Variants in DDX46 observed in about 807,000 individuals in gnomAD.
DDX46 encodes probable ATP-dependent RNA helicase DDX46.
In DDX46, 30 loss-of-function variants were observed where a neutral mutation model predicts 134.9. The observed-to-expected ratio is 0.22, with a 90% CI of 0.17 to 0.30. The LOEUF (loss-of-function observed/expected upper bound fraction) is 0.30, where lower values mean the gene tolerates loss of function less well. Among genes scored for constraint, DDX46 ranks in the 10% least tolerant of loss-of-function variants. DDX46 has a pLI of 1.00. For missense variants in DDX46, 622 were observed against 1,248.7 expected (o/e 0.50, Z 7.56); for synonymous variants, 415 against 404.1 (o/e 1.03, Z -0.32).
chr5:134,816,829 A>G, intron 19 of DDX46: 1 of 494,106 alleles, frequency 2.0e-6, no homozygotes, highest in Non-Finnish European at 3.6e-6. Context: ...ACTGTTAGCC[A>G]CTGGTAGTTT....
At position 134,780,138 on chromosome 5, in the gene DDX46, G is replaced by GTGTGTGTGTGTGTA. The variant is rs1158560431; in HGVS notation, c.766-994_766-993insGTGTGTGTGTGTAT. Among the ~76,000 whole-genome samples, 103 of 142,416 alleles carry GTGTGTGTGTGTGTA rather than the reference G, an allele frequency of 7.2e-4. No homozygotes were observed. The East Asian group carries it at 0.011, about 15-fold the overall frequency. 93.4% of individuals were successfully genotyped at this position (142,416 alleles called of 152,430 possible). A position where few individuals can be genotyped will look rare whatever the true frequency, so the allele number is the denominator to read the frequency against. On this transcript the variant is annotated intron_variant, in intron 6 of 22. Coordinates refer to ENST00000452510, the MANE Select transcript of DDX46 (RefSeq NM_001300860.2). ...TGTGTGTGTGTGTGTGTGTGTGTGT[G>GTGTGTGTGTGTGTA]TATATGTATATATGTGCATGTATAT...
Position 134,830,254 on chromosome 5 carries a change from T to G in DDX46, c.*1548T>G, listed in dbSNP as rs1418478649. ...AAAAGTTTTACTATAACATTTACAT[T>G]GTGTTAGGTATTTTAAGTAATTTAA... On this transcript the variant is annotated 3_prime_UTR_variant, in exon 23 of 23. Transcript: ENST00000452510. The G allele has an allele frequency of 2.0e-5, 3 of 152,018 alleles. No homozygotes were observed. Among genetic ancestry groups the G allele is most frequent in the African/African-American group, 7.2e-5 (3 of 41,406 alleles). 9.4% of individuals were successfully genotyped at this position (152,018 alleles called of 1,614,324 possible). A position where few individuals can be genotyped will look rare whatever the true frequency, so the allele number is the denominator to read the frequency against.
chr5:134,818,833 T>A (rs1007119983), intron 20 of DDX46, 27 bp from the exon 21 acceptor site: 1 of 1,598,462 alleles, frequency 6.3e-7, no homozygotes, highest in African/African-American at 1.4e-5. Context: ...ATGAAGTGAT[T>A]TTTCTTTTCC....
Position 134,794,803 on chromosome 5 carries a change from G to A in DDX46, c.1627-47G>A, listed in dbSNP as rs375531991. The stretch of plus-strand genomic sequence containing the variant: ...TTGGTTTTAACATTGCATAAGCTTT[G>A]AAGACCATATTTACCATATTTATTT... On this transcript the variant is annotated intron_variant, in intron 13 of 22. Coordinates refer to ENST00000452510, the MANE Select transcript of DDX46 (RefSeq NM_001300860.2). 7.9e-5 allele frequency: 127 copies of A among 1,602,566 alleles called. 1 individual carries two copies. The highest frequency in any genetic ancestry group is 1.0e-4 in the Non-Finnish European group (118 of 1,174,126).
At position 134,781,968 on chromosome 5, in the gene DDX46, G is replaced by T; in HGVS notation, c.927G>T (p.Gly309=). The T allele has an allele frequency of 1.2e-6, 2 of 1,611,058 alleles. No individual in the cohort carries two copies. The highest frequency in any genetic ancestry group is 1.7e-6 in the Non-Finnish European group (2 of 1,179,356). ...TTGATCTTCAGACAGCCCTTACAGG[G>T]TATCAAACAAAACAGCGAAAGCTTC... is the stretch of plus-strand genomic sequence containing the variant. The part of the protein sequence containing the change: ...EEVDLQTALT[G]YQTKQRKLLE... Residue 309 remains glycine, a synonymous_variant, in exon 8 of 23, where the codon GGG becomes GGT. Transcript: ENST00000452510.
rs748390075 is a variant in DDX46 at position 134,758,807 on chromosome 5, C to G, written c.-132C>G. 1.6e-5 allele frequency: 23 copies of G among 1,429,918 alleles called. No individual in the cohort carries two copies. In the African/African-American group the frequency reaches 2.0e-4, roughly 12 times the overall value. 88.6% of individuals were successfully genotyped at this position (1,429,918 alleles called of 1,614,324 possible). On this transcript the variant is annotated 5_prime_UTR_variant, in exon 1 of 23. Coordinates refer to ENST00000452510, the MANE Select transcript of DDX46 (RefSeq NM_001300860.2). ...TTTTCGTTGGCCGCGCTGGGATGGC[C>G]GCCACAGCTGTAGGTGCTGCTAGTG...
chr5:134,786,237 A>C (rs1018926354), intron 11 of DDX46, among the ~76,000 whole-genome samples: 1 of 152,212 alleles, frequency 6.6e-6, no homozygotes, highest in Non-Finnish European at 1.5e-5. Flanking sequence ...TTCAGAGTGT[A>C]TATGTATATC....
chr5:134,775,794 G>A (rs986820759), intron 5 of DDX46, among the ~76,000 whole-genome samples: 8 of 152,222 alleles, frequency 5.3e-5, no homozygotes, highest in Non-Finnish European at 1.0e-4. Context: ...GCCCAGCCAA[G>A]TAGTCGTGAT....
intron 1 of DDX46, among the ~76,000 whole-genome samples, chr5:134,759,418 A>G (rs1561846785): frequency 6.6e-6 from 1 of 152,224 alleles, no homozygotes; most frequent in South Asian, 2.1e-4. Context: ...CGACAGCACT[A>G]TACACGACTA....
In DDX46 at chr5:134,830,737, T is replaced by TA. The variant is rs1320242986; in HGVS notation, c.*2032dup. Reference sequence around the variant, plus strand: ...TAACAACAGAAACAAATAAACCACTTACTGTAAAATTTCAGAAATTGTGGG... The same window carrying TA: ...TAACAACAGAAACAAATAAACCACTTAACTGTAAAATTTCAGAAATTGTGGG... On this transcript the variant is annotated 3_prime_UTR_variant, in exon 23 of 23. Coordinates refer to ENST00000452510, the MANE Select transcript of DDX46 (RefSeq NM_001300860.2). 3 of 152,604 alleles carry TA rather than the reference T, an allele frequency of 2.0e-5. No homozygotes were observed. The highest frequency in any genetic ancestry group is 4.4e-5 in the Non-Finnish European group (3 of 68,022). The allele number at this position is 152,604 out of a possible 1,614,324, so 9.5% of individuals were successfully genotyped here. A position where few individuals can be genotyped will look rare whatever the true frequency, so the allele number is the denominator to read the frequency against.
chr5:134,824,304 T>C (rs1755531226), intron 21 of DDX46, among the ~76,000 whole-genome samples: 1 of 152,036 alleles, frequency 6.6e-6, no homozygotes, highest in Non-Finnish European at 1.5e-5. Context: ...AGAAATATAA[T>C]GATAATGGCC....
At chr5:134,788,639 C>G (rs777807534) in intron 12 of DDX46, 48 bp downstream of exon 12, 1 of 1,524,652 alleles carries the variant, frequency 6.6e-7, no homozygotes. Context: ...GAATTCTTTA[C>G]TTTTTTTTGT....
Position 134,781,974 on chromosome 5 carries a change from A to C in DDX46, c.933A>C (p.Gln311His). 6.2e-7 allele frequency: 1 copy of C among 1,611,640 alleles called. No individual in the cohort carries two copies. The highest frequency in any genetic ancestry group is 1.7e-5 in the Admixed American group (1 of 58,868). The stretch of plus-strand genomic sequence containing the variant: ...TTCAGACAGCCCTTACAGGGTATCA[A>C]ACAAAACAGCGAAAGCTTCTAGAAC... ...VDLQTALTGY[Q>H]TKQRKLLEPV... Residue 311 changes from glutamine (Q) to histidine (H), a missense_variant, in exon 8 of 23, where the codon CAA (glutamine) becomes CAC (histidine). Coordinates refer to ENST00000452510, the MANE Select transcript of DDX46 (RefSeq NM_001300860.2).
chr5:134,778,606 C>T (rs909449933), intron 6 of DDX46, among the ~76,000 whole-genome samples: 1 of 152,070 alleles, frequency 6.6e-6, no homozygotes, highest in Non-Finnish European at 1.5e-5. Flanking sequence ...CAGAGTCTCG[C>T]TCTATTGCCC....
At chr5:134,784,591 A>G in intron 10 of DDX46, 50 bp downstream of exon 10, 1 of 1,521,156 alleles carries the variant, frequency 6.6e-7, no homozygotes, top group Non-Finnish European at 8.9e-7. Flanking sequence ...TTTGTTGTCA[A>G]ACAGAAAGAC....
In DDX46 at chr5:134,784,520, G is replaced by C; in HGVS notation, c.1321G>C (p.Glu441Gln). 1 of 1,607,148 alleles carries C rather than the reference G, an allele frequency of 6.2e-7. No homozygotes were observed. Among genetic ancestry groups the C allele is most frequent in the Non-Finnish European group, 8.5e-7 (1 of 1,178,064 alleles). The stretch of plus-strand genomic sequence containing the variant: ...ACACATCATGGATCAGAGGTCATTA[G>C]AGGAAGGAGAGGGGCCAATAGGTAC... Reference protein sequence around the residue: ...FRHIMDQRSLEEGEGPIAVIM... With the variant: ...FRHIMDQRSLQEGEGPIAVIM... The change falls in exon 10 of 23, where the codon GAG becomes CAG. Residue 441 changes from glutamate to glutamine, a missense_variant. Glu to Gln is a conservative substitution (Grantham distance 29). This residue lies in a region of DDX46 where 209 missense variants were observed against 508.4 expected (regional missense o/e 0.41). Transcript: ENST00000452510.
At chr5:134,808,984 T>C (rs1051456271) in intron 16 of DDX46, among the ~76,000 whole-genome samples, 5 of 152,208 alleles carry the variant, frequency 3.3e-5, no homozygotes, top group African/African-American at 9.6e-5. Flanking sequence ...TAAAACGATT[T>C]AAGTGTTTTA....
intron 13 of DDX46, among the ~76,000 whole-genome samples, chr5:134,794,374 A>G (rs435397): frequency 0.027 from 4,057 of 152,294 alleles, 95 homozygotes; most frequent in African/African-American, 0.069. Context: ...CCAGAGTTCC[A>G]AAGTGGTTAC....
intron 13 of DDX46, among the ~76,000 whole-genome samples, chr5:134,791,209 A>G (rs1422785142): frequency 6.6e-6 from 1 of 152,226 alleles, no homozygotes; most frequent in Non-Finnish European, 1.5e-5. Context: ...TACCAAAGTC[A>G]TTCACGTTTG....
Sources: allele counts gnomAD v4.1 joint callset (sites outside exome capture counted in the v4.1 genomes callset), GRCh38; gene constraint gnomAD v4.1.1; regional missense constraint gnomAD v4.1.1; transcripts MANE v1.5; gene names NCBI Gene and HGNC (gene_info 2026-07-23, HGNC 2026-07-21).